CLUL1: variants seen among roughly 807,000 people sequenced by gnomAD.
CLUL1 encodes the protein clusterin-like protein 1.
CLUL1 carries 43 observed loss-of-function variants against 49.4 expected under a neutral mutation model. The observed-to-expected ratio is 0.87, with a 90% CI of 0.68 to 1.12. The LOEUF is 1.12. CLUL1 is among the 50% of genes most tolerant of loss of function. CLUL1 has a pLI of 0.00. For synonymous variants in CLUL1, 192 were observed against 184.9 expected (o/e 1.04, Z -0.31); for missense variants, 486 against 544.4 (o/e 0.89, Z 1.07).
In CLUL1 at chr18:624,932, CTT is replaced by C; in HGVS notation, c.325_326del (p.Leu109GlyfsTer6). On this transcript the variant is annotated frameshift_variant, in exon 5 of 10. Transcript: ENST00000692774. LOFTEE classifies it high-confidence loss of function. Reference sequence around the variant, plus strand: ...GAAGAAGAAAGGCTATGCCGGGAGTCTTTGGCAGATTCCTGGGGTGAATGCAG... The same window carrying C: ...GAAGAAGAAAGGCTATGCCGGGAGTCTGGCAGATTCCTGGGGTGAATGCAG... 1 of 1,614,154 alleles carries C rather than the reference CTT, an allele frequency of 6.2e-7. No individual in the cohort carries two copies. The highest frequency in any genetic ancestry group is 8.5e-7 in the Non-Finnish European group (1 of 1,179,998).
chr18:642,669 T>C (rs1051750317), intron 8 of CLUL1, among the ~76,000 whole-genome samples: 10 of 152,166 alleles, frequency 6.6e-5, no homozygotes, highest in African/African-American at 1.7e-4. Flanking sequence ...GGCAGAGCAA[T>C]TGAAGATGCA....
intron 2 of CLUL1, among the ~76,000 whole-genome samples, chr18:610,595 A>C (rs1390069969): frequency 6.6e-6 from 1 of 152,182 alleles, no homozygotes; most frequent in Non-Finnish European, 1.5e-5. Context: ...TAGAAATAAG[A>C]GCACCCAGGA....
Position 604,818 on chromosome 18 carries a change from G to T in CLUL1, c.-135-2160G>T, listed in dbSNP as rs11876400. ...GTGGGGTCCTGAAAGCAGGTTGCTG[G>T]TTGCCCCTTCGTAGTTGAATACAAG... is the stretch of plus-strand genomic sequence containing the variant. On this transcript the variant is annotated intron_variant, in intron 1 of 9. Coordinates refer to ENST00000692774, the MANE Select transcript of CLUL1 (RefSeq NM_001393344.1). Among the ~76,000 whole-genome samples the T allele has an allele frequency of 7.2e-3, 1,094 of 152,114 alleles. 13 individuals are homozygous for T. Among genetic ancestry groups the T allele is most frequent in the African/African-American group, 0.025 (1,029 of 41,492 alleles).
chr18:620,206 T>C (rs188321964), intron 4 of CLUL1, among the ~76,000 whole-genome samples: 1 of 152,356 alleles, frequency 6.6e-6, no homozygotes, highest in African/African-American at 2.4e-5. Context: ...ATCTTCTAGA[T>C]ATTTTGAAAC....
Position 650,064 on chromosome 18 carries a change from C to G in CLUL1, c.*163C>G. 1 of 498,606 alleles carries G rather than the reference C, an allele frequency of 2.0e-6. No homozygotes were observed. The highest frequency in any genetic ancestry group is 3.6e-6 in the Non-Finnish European group (1 of 279,322). The allele number at this position is 498,606 out of a possible 1,614,324, so 30.9% of individuals were successfully genotyped here. On this transcript the variant is annotated 3_prime_UTR_variant, in exon 10 of 10. Coordinates refer to ENST00000692774, the MANE Select transcript of CLUL1 (RefSeq NM_001393344.1). Reference sequence around the variant, plus strand: ...AGTTTACTTATGTTGAATGGCTTAGCTATTAATACTCAAATTGAGTTAAAA... The same window carrying G: ...AGTTTACTTATGTTGAATGGCTTAGGTATTAATACTCAAATTGAGTTAAAA...
chr18:645,128 G>C (rs778836655), intron 9 of CLUL1, 31 bp downstream of exon 9: 2 of 1,493,048 alleles, frequency 1.3e-6, no homozygotes, highest in Admixed American at 2.2e-5. Flanking sequence ...GGAATGCCTT[G>C]TTGACAGGAA....
chr18:624,256 AT>A (rs1232054052), intron 4 of CLUL1, among the ~76,000 whole-genome samples: 1 of 151,668 alleles, frequency 6.6e-6, no homozygotes, highest in African/African-American at 2.4e-5. Flanking sequence ...TCCCATTTAT[AT>A]TTATTTAATA....
At position 632,334 on chromosome 18, in the gene CLUL1, A is replaced by G. The variant is rs59008312; in HGVS notation, c.857-964A>G. Among the ~76,000 whole-genome samples, 624 of 151,066 alleles carry G rather than the reference A, an allele frequency of 4.1e-3. 6 individuals are homozygous for G. Among genetic ancestry groups the G allele is most frequent in the African/African-American group, 0.013 (523 of 41,048 alleles). On this transcript the variant is annotated intron_variant, in intron 6 of 9. Coordinates refer to ENST00000692774, the MANE Select transcript of CLUL1 (RefSeq NM_001393344.1). ...CTCGCACACATATGTGTGTATATAT[A>G]TGTGTGTGTGTGTGTGTGTGTATAT...
In CLUL1 at chr18:624,886, G is replaced by T; in HGVS notation, c.277G>T (p.Glu93Ter). 1 of 1,613,818 alleles carries T rather than the reference G, an allele frequency of 6.2e-7. No homozygotes were observed. The highest frequency in any genetic ancestry group is 8.5e-7 in the Non-Finnish European group (1 of 1,179,936). The change falls in exon 5 of 10, where the codon GAA (glutamate) becomes TAA (stop). Residue 93 changes from glutamate to a stop codon, truncating the protein, a stop_gained. Coordinates refer to ENST00000692774, the MANE Select transcript of CLUL1 (RefSeq NM_001393344.1). LOFTEE classifies it high-confidence loss of function. ...CTAGGAGGCCCTGAAACTTCTGAATGAAGTTCAAGAACATCTGGAGGAAGA... is the reference window on the plus strand; with the variant it reads ...CTAGGAGGCCCTGAAACTTCTGAATTAAGTTCAAGAACATCTGGAGGAAGA... ...EKQEALKLLN[E>*]VQEHLEEEER...
At chr18:638,860 G>GAAA (rs543461487) in intron 7 of CLUL1, among the ~76,000 whole-genome samples, 19,822 of 142,972 alleles carry the variant, frequency 0.14, 1,874 homozygotes, top group African/African-American at 0.28. Context: ...TTTGTCTCAG[G>GAAA]AAAAAAAAAA....
chr18:638,960 T>G (rs2074243643), intron 7 of CLUL1, among the ~76,000 whole-genome samples: 1 of 152,164 alleles, frequency 6.6e-6, no homozygotes, highest in African/African-American at 2.4e-5. Flanking sequence ...TCACTTTATC[T>G]CCTCAAAAGG....
At chr18:616,459 A>G (rs897618386) in intron 2 of CLUL1, among the ~76,000 whole-genome samples, 1 of 152,348 alleles carries the variant, frequency 6.6e-6, no homozygotes, top group Admixed American at 6.5e-5. Flanking sequence ...ATTGAAAATT[A>G]AAAAAATATT....
At chr18:613,155 TG>T in intron 2 of CLUL1, 1 of 428,750 alleles carries the variant, frequency 2.3e-6, no homozygotes, top group Non-Finnish European at 4.1e-6. Flanking sequence ...GTATTTTTTT[TG>T]AGATGGAGTC....
intron 2 of CLUL1, among the ~76,000 whole-genome samples, chr18:607,514 G>T (rs2073010839): frequency 3.9e-5 from 6 of 152,138 alleles, no homozygotes; most frequent in Admixed American, 3.9e-4. Flanking sequence ...ATTCAGTGCG[G>T]CCCTGATCTC....
intron 2 of CLUL1, chr18:613,237 C>G (rs979605059): frequency 2.2e-6 from 1 of 457,616 alleles, no homozygotes; most frequent in African/African-American, 2.0e-5. Flanking sequence ...CTCCCAGGTT[C>G]AAGCGATTCT....
At chr18:619,028 G>A (rs529440904) in intron 3 of CLUL1, among the ~76,000 whole-genome samples, 185 bp from the exon 4 acceptor site, 2 of 152,212 alleles carry the variant, frequency 1.3e-5, no homozygotes, top group Admixed American at 1.3e-4. Context: ...AGGAGTAGAA[G>A]GTATGGTCCG....
At chr18:641,172 T>A (rs1038848269) in intron 7 of CLUL1, 155 bp from the exon 8 acceptor site, 7 of 616,406 alleles carry the variant, frequency 1.1e-5, no homozygotes, top group South Asian at 8.1e-5. Context: ...ATGTAGACGA[T>A]ATTAATAATT....
At chr18:633,882 C>T (rs754369000) in intron 7 of CLUL1, among the ~76,000 whole-genome samples, 26 of 142,046 alleles carry the variant, frequency 1.8e-4, no homozygotes, top group Non-Finnish European at 3.9e-4. Context: ...AGCGTGTAAT[C>T]GAAAAAGGTT....
At chr18:636,624 C>CTTTTTTTTTT (rs68150473) in intron 7 of CLUL1, among the ~76,000 whole-genome samples, 8 of 122,066 alleles carry the variant, frequency 6.6e-5, no homozygotes, top group Non-Finnish European at 1.2e-4. Context: ...CCCTTTCTCT[C>CTTTTTTTTTT]TTTTTTTTTT....
Sources: gnomAD v4.1 joint callset for allele counts (sites outside exome capture counted in the v4.1 genomes callset) on GRCh38, gnomAD v4.1.1 for gene constraint, MANE v1.5 for transcripts, NCBI Gene and HGNC (gene_info 2026-07-23, HGNC 2026-07-21) for gene names.